Variants in KYAT1 observed in about 807,000 individuals in gnomAD.
KYAT1 encodes kynurenine aminotransferase 1, also known as kynurenine--oxoglutarate transaminase 1.
Under a neutral mutation model 52.4 loss-of-function variants are expected in KYAT1, and 47 were observed. The observed-to-expected ratio is 0.90, with a 90% CI of 0.71 to 1.14. The LOEUF is 1.14. KYAT1 is among the 50% of genes most tolerant of loss of function. The pLI is 0.00. For missense variants in KYAT1, 480 were observed against 557.9 expected, an observed-to-expected ratio of 0.86 and a Z score of 1.41; for synonymous variants, 212 against 209.6, an observed-to-expected ratio of 1.01 and a Z score of -0.10.
At position 128,833,723 on chromosome 9, in the gene KYAT1, C is replaced by G. The variant is rs1366463062; in HGVS notation, c.1209+17G>C. ...GAAGCTCTGTGAGGTCTTTCCTCCCCCAGCCCTGCCCTTTACCTTCACAAA... is the reference window on the plus strand; with the variant it reads ...GAAGCTCTGTGAGGTCTTTCCTCCCGCAGCCCTGCCCTTTACCTTCACAAA... On this transcript the variant is annotated intron_variant, in intron 12 of 12. Transcript: ENST00000302586. The G allele has an allele frequency of 6.2e-7, 1 of 1,614,054 alleles. No individual in the cohort carries two copies. The highest frequency in any genetic ancestry group is 8.5e-7 in the Non-Finnish European group (1 of 1,179,860).
chr9:128,848,220 A>G (rs939767541), intron 1 of KYAT1, among the ~76,000 whole-genome samples: 1 of 151,566 alleles, frequency 6.6e-6, no homozygotes, highest in African/African-American at 2.4e-5. Flanking sequence ...TGGGGAAGCT[A>G]AAGTGGGAGA....
intron 1 of KYAT1, among the ~76,000 whole-genome samples, chr9:128,850,145 C>T (rs1395529773): frequency 1.3e-5 from 2 of 151,854 alleles, no homozygotes; most frequent in African/African-American, 4.8e-5. Context: ...GACGGCCTCC[C>T]ACAGTGTTAG....
chr9:128,873,443 G>A (rs79053881), intron 1 of KYAT1, among the ~76,000 whole-genome samples: 3,030 of 151,294 alleles, frequency 0.02, 108 homozygotes, highest in African/African-American at 0.069. Context: ...GTTTTCTTTC[G>A]TTATAAAAGT....
rs57333664 is a variant in KYAT1 at position 128,846,600 on chromosome 9, CAAAAAAAAAAAA to C, written c.-6-1201_-6-1190del. On this transcript the variant is annotated intron_variant, in intron 1 of 12. Coordinates refer to ENST00000302586, the MANE Select transcript of KYAT1 (RefSeq NM_004059.5). ...CCCGACCCAACGAGCAAGACTCTAC[CAAAAAAAAAAAA>C]AAAAAAAAAAAAAGAAAGAAAGAAA... is the stretch of plus-strand genomic sequence containing the variant. 9.5e-3 allele frequency: 3,974 copies of C among 419,200 alleles called. 31 individuals carry two copies. The highest frequency in any genetic ancestry group is 0.013 in the Non-Finnish European group (3,582 of 274,890). 26.0% of individuals were successfully genotyped at this position (419,200 alleles called of 1,614,324 possible).
In KYAT1 at chr9:128,881,400, G is replaced by A. The variant is rs543154579; in HGVS notation, c.-7+497C>T. On this transcript the variant is annotated intron_variant, in intron 1 of 12. Transcript: ENST00000302586. ...CCGGCCCAACGCTGTTTTTACTGTT[G>A]TTTCCTTTTTTAACCTAAGGTATCT... is the stretch of plus-strand genomic sequence containing the variant. 7.9e-5 allele frequency among the ~76,000 whole-genome samples: 12 copies of A among 152,198 alleles called. 1 individual carries two copies. The South Asian group carries it at 2.3e-3, about 29-fold the overall frequency.
At chr9:128,839,626 A>C (rs562226771) in intron 3 of KYAT1, among the ~76,000 whole-genome samples, 1 of 152,214 alleles carries the variant, frequency 6.6e-6, no homozygotes, top group Non-Finnish European at 1.5e-5. Context: ...CTCCGTCTCA[A>C]AAAAAACAAA....
chr9:128,865,332 TATATATATATATA>T (rs1836122655), intron 1 of KYAT1, among the ~76,000 whole-genome samples: 33 of 2,358 alleles, frequency 0.014, 3 homozygotes, highest in African/African-American at 0.022. Flanking sequence ...TATATATATA[TATATATATATATA>T]TATATATATA....
At chr9:128,855,740 T>A (rs762867122) in intron 1 of KYAT1, among the ~76,000 whole-genome samples, 9 of 152,216 alleles carry the variant, frequency 5.9e-5, no homozygotes, top group Non-Finnish European at 1.3e-4. Flanking sequence ...GGCTTCCCCA[T>A]CCATCCATAT....
chr9:128,868,391 C>A (rs745834999), intron 1 of KYAT1, among the ~76,000 whole-genome samples: 18 of 151,540 alleles, frequency 1.2e-4, no homozygotes, highest in Admixed American at 2.0e-4. Context: ...TTTTTTTTTC[C>A]TTTTTTTCTT....
chr9:128,835,815 G>A lies in KYAT1; in HGVS notation c.819C>T (p.His273=), dbSNP rs1830973500. ...TGGGGCAGTGGAAGACGGAGTTCTG[G>A]TGCACGGTCCGCAGGTGCTTCATGA... ...DHIMKHLRTV[H]QNSVFHCPTQ... The change falls in exon 9 of 13, where the codon CAC becomes CAT. Residue 273 remains histidine (H), a synonymous_variant. Transcript: ENST00000302586. 1.9e-6 allele frequency: 3 copies of A among 1,613,878 alleles called. No homozygotes were observed. Among genetic ancestry groups the A allele is most frequent in the East Asian group, 4.5e-5 (2 of 44,880 alleles).
chr9:128,857,000 T>C lies in KYAT1; in HGVS notation c.-6-11589A>G, dbSNP rs924802478. Among the ~76,000 whole-genome samples, 10 of 152,338 alleles carry C rather than the reference T, an allele frequency of 6.6e-5. No individual in the cohort carries two copies. In the South Asian group the frequency reaches 1.2e-3, roughly 19 times the overall value. ...TGAATGTCTCGGTATAAAACCTGAT[T>C]ATACATTTGTTCAATTCTGAGATAG... On this transcript the variant is annotated intron_variant, in intron 1 of 12. Transcript: ENST00000302586.
intron 3 of KYAT1, among the ~76,000 whole-genome samples, chr9:128,839,604 G>A (rs566206716): frequency 6.6e-5 from 10 of 152,086 alleles, no homozygotes; most frequent in East Asian, 1.9e-4. Context: ...CAGCCTGGGC[G>A]ACAGAGCGAG....
At chr9:128,838,431 TC>T (rs1286821416) in intron 3 of KYAT1, 64 bp from the exon 4 acceptor site, 1 of 1,597,332 alleles carries the variant, frequency 6.3e-7, no homozygotes, top group Non-Finnish European at 8.6e-7. Flanking sequence ...CCCAGCTGTA[TC>T]CAGGCAATTC....
At chr9:128,842,079 T>C in intron 3 of KYAT1, 1 of 312,168 alleles carries the variant, frequency 3.2e-6, no homozygotes, top group African/African-American at 2.2e-5. Context: ...GTAGTCCCAG[T>C]TACTCCAGAG....
In KYAT1 at chr9:128,840,151, A is replaced by C. The variant is rs115247068; in HGVS notation, c.202-1784T>G. On this transcript the variant is annotated intron_variant, in intron 3 of 12. Coordinates refer to ENST00000302586, the MANE Select transcript of KYAT1 (RefSeq NM_004059.5). ...CATACAAGAAAGAGGTAAAATATTTAATGAGGCTGGGCACAGTGGCTCATG... is the reference window on the plus strand; with the variant it reads ...CATACAAGAAAGAGGTAAAATATTTCATGAGGCTGGGCACAGTGGCTCATG... Among the ~76,000 whole-genome samples the C allele has an allele frequency of 4.5e-3, 687 of 152,224 alleles. 3 individuals are homozygous for C. The highest frequency in any genetic ancestry group is 0.015 in the African/African-American group (614 of 41,540).
intron 1 of KYAT1, among the ~76,000 whole-genome samples, chr9:128,868,809 G>A (rs12375964): frequency 9.9e-5 from 15 of 150,802 alleles, no homozygotes; most frequent in Non-Finnish European, 1.9e-4. Context: ...GGATTCAAGC[G>A]ATTCTCCTGC....
chr9:128,837,696 G>A lies in KYAT1; in HGVS notation c.556C>T (p.Pro186Ser). 1 of 1,614,150 alleles carries A rather than the reference G, an allele frequency of 6.2e-7. No individual in the cohort carries two copies. The highest frequency in any genetic ancestry group is 8.5e-7 in the Non-Finnish European group (1 of 1,180,022). ...KALVLNTPNN[P>S]LGKVFSREEL... ...GGTCCCTCCAGTACCTTGCCCAGGGGGTTGTTGGGGGTGTTGAGGACCAGG... is the reference window on the plus strand; with the variant it reads ...GGTCCCTCCAGTACCTTGCCCAGGGAGTTGTTGGGGGTGTTGAGGACCAGG... The change falls in exon 6 of 13, where the codon CCC (proline) becomes TCC (serine). Residue 186 changes from proline (P) to serine (S), a missense_variant. By Grantham distance (74) the Pro-to-Ser change is moderately conservative. Coordinates refer to ENST00000302586, the MANE Select transcript of KYAT1 (RefSeq NM_004059.5).
intron 3 of KYAT1, among the ~76,000 whole-genome samples, chr9:128,838,936 T>TTTTA (rs71497421): frequency 0.12 from 17,847 of 143,432 alleles, 1,355 homozygotes; most frequent in South Asian, 0.19. Context: ...CGGGAGAGGC[T>TTTTA]TTTATTTATT....
At chr9:128,835,071 A>G (rs1830784876) in intron 11 of KYAT1, 1 of 485,104 alleles carries the variant, frequency 2.1e-6, no homozygotes, top group Non-Finnish European at 3.8e-6. Flanking sequence ...TGGGGGGCAG[A>G]GCTTGCAGTG....
Sources: allele counts gnomAD v4.1 joint callset (sites outside exome capture counted in the v4.1 genomes callset), GRCh38; gene constraint gnomAD v4.1.1; transcripts MANE v1.5; gene names NCBI Gene and HGNC (gene_info 2026-07-23, HGNC 2026-07-21).